The following NFE2L2 variants were observed in gnomAD, a reference collection of about 807,000 sequenced individuals.
The protein encoded by NFE2L2 is NFE2 like bZIP transcription factor 2.
NFE2L2 carries 20 observed loss-of-function variants against 49.6 expected under a neutral mutation model. The ratio of observed to expected loss-of-function variants is 0.40; its 90% CI spans 0.28 to 0.59. The LOEUF is 0.59. NFE2L2 is among the 20% of genes least tolerant of loss of function. The pLI, the probability that NFE2L2 is intolerant of heterozygous loss-of-function variation, is 0.40. For synonymous variants in NFE2L2, 244 were observed against 256.5 expected, an observed-to-expected ratio of 0.95 and a Z score of 0.47; for missense variants, 578 against 714.2, an observed-to-expected ratio of 0.81 and a Z score of 2.17.
intron 1 of NFE2L2, among the ~76,000 whole-genome samples, chr2:177,253,332 G>A (rs919494447): frequency 3.9e-5 from 6 of 152,154 alleles, no homozygotes; most frequent in Admixed American, 6.5e-5. Flanking sequence ...CAAACTGACT[G>A]AGCAACTATT....
In NFE2L2 at chr2:177,231,359, G is replaced by C; in HGVS notation, c.1244C>G (p.Thr415Ser). 1 of 1,614,258 alleles carries C rather than the reference G, an allele frequency of 6.2e-7. No homozygotes were observed. Among genetic ancestry groups the C allele is most frequent in the South Asian group, 1.1e-5 (1 of 91,086 alleles). The change falls in exon 5 of 5, where the codon ACT becomes AGT. Residue 415 changes from threonine to serine, a missense_variant. This residue lies in a region of NFE2L2 where 368 missense variants were observed against 384.6 expected (regional missense o/e 0.96). Coordinates refer to ENST00000397062, the MANE Select transcript of NFE2L2 (RefSeq NM_006164.5). ...CTCACATTGGGCATCATGCACGTGA[G>C]TGCTCTGCCCCTGAGATGGTGACAA... ...QPLSPSQGQS[T>S]HVHDAQCENT...
intron 1 of NFE2L2, among the ~76,000 whole-genome samples, chr2:177,237,364 C>T (rs1362969743): frequency 1.3e-5 from 2 of 152,110 alleles, no homozygotes; most frequent in African/African-American, 2.4e-5. Context: ...AGCATTCAGT[C>T]GACTATACAT....
chr2:177,263,756 C>A, intron 1 of NFE2L2: 1 of 985,492 alleles, frequency 1.0e-6, no homozygotes, highest in Non-Finnish European at 1.2e-6. Context: ...TACGAGGGGC[C>A]AACTCCGGGT....
At chr2:177,244,173 T>C (rs926533322) in intron 1 of NFE2L2, among the ~76,000 whole-genome samples, 6 of 151,348 alleles carry the variant, frequency 4.0e-5, no homozygotes, top group Non-Finnish European at 8.8e-5. Context: ...TGGTGGCGGG[T>C]GCCTGTAGTC....
intron 1 of NFE2L2, among the ~76,000 whole-genome samples, chr2:177,244,683 G>A (rs1052310186): frequency 5.3e-5 from 8 of 152,166 alleles, no homozygotes; most frequent in Admixed American, 4.6e-4. Flanking sequence ...AAGCAAAGGA[G>A]GCTATGGAGA....
At chr2:177,238,953 T>C (rs1460298541) in intron 1 of NFE2L2, among the ~76,000 whole-genome samples, 1 of 152,232 alleles carries the variant, frequency 6.6e-6, no homozygotes, top group East Asian at 1.9e-4. Context: ...GGCACGCCCA[T>C]ATACATTTGC....
intron 1 of NFE2L2, among the ~76,000 whole-genome samples, chr2:177,236,835 TTTTTTTCCAC>T (rs537841245): frequency 1.5e-3 from 230 of 152,264 alleles, no homozygotes; most frequent in Non-Finnish European, 2.6e-3. Flanking sequence ...TTTTTCGGGT[TTTTTTTCCAC>T]TTTTTTCCTT....
At chr2:177,251,821 C>T (rs893142232) in intron 1 of NFE2L2, among the ~76,000 whole-genome samples, 5 of 151,186 alleles carry the variant, frequency 3.3e-5, no homozygotes, top group Non-Finnish European at 5.9e-5. Flanking sequence ...CTGGCTAACA[C>T]GGTGAAACTC....
At chr2:177,232,888 A>T in intron 3 of NFE2L2, 1 of 460,152 alleles carries the variant, frequency 2.2e-6, no homozygotes, top group Non-Finnish European at 3.8e-6. Context: ...AGATTTATTA[A>T]AATTGTTAAC....
chr2:177,264,238 G>A, intron 1 of NFE2L2: 1 of 340,638 alleles, frequency 2.9e-6, no homozygotes, highest in South Asian at 8.7e-5. Context: ...GCCCGGGGAC[G>A]CGGCTGGATT....
intron 1 of NFE2L2, among the ~76,000 whole-genome samples, chr2:177,238,522 A>T (rs553882225): frequency 3.3e-4 from 50 of 152,378 alleles, no homozygotes; most frequent in Admixed American, 2.7e-3. Flanking sequence ...AGTGGATCAA[A>T]TGAGGCACGT....
At chr2:177,242,219 G>A (rs886198926) in intron 1 of NFE2L2, among the ~76,000 whole-genome samples, 1 of 152,144 alleles carries the variant, frequency 6.6e-6, no homozygotes, top group African/African-American at 2.4e-5. Context: ...GACAAAAGGG[G>A]CCTTACAGCC....
chr2:177,245,936 G>T (rs139344881), intron 1 of NFE2L2, among the ~76,000 whole-genome samples: 1 of 152,116 alleles, frequency 6.6e-6, no homozygotes, highest in Non-Finnish European at 1.5e-5. Flanking sequence ...AGATGAACAC[G>T]TTGAGGCTTC....
intron 1 of NFE2L2, among the ~76,000 whole-genome samples, chr2:177,250,183 T>C (rs1467920681): frequency 6.6e-6 from 1 of 152,230 alleles, no homozygotes; most frequent in East Asian, 1.9e-4. Flanking sequence ...AACAATGTTA[T>C]GGTGCAGATG....
intron 1 of NFE2L2, among the ~76,000 whole-genome samples, chr2:177,250,252 C>A (rs892388475): frequency 3.2e-4 from 48 of 152,168 alleles, no homozygotes; most frequent in Non-Finnish European, 1.0e-4. Context: ...AAGTGAGAGG[C>A]CTTAGGTGCT....
chr2:177,256,786 T>C (rs1690542782), intron 1 of NFE2L2, among the ~76,000 whole-genome samples: 1 of 152,214 alleles, frequency 6.6e-6, no homozygotes, highest in Admixed American at 6.5e-5. Context: ...AAGACTGGAA[T>C]TGGGCCTTGC....
In NFE2L2 at chr2:177,231,601, T is replaced by C; in HGVS notation, c.1002A>G (p.Glu334=). The change falls in exon 5 of 5, where the codon GAA becomes GAG. Residue 334 remains glutamate (E), a synonymous_variant. Transcript: ENST00000397062. ...CAGAATCATTGAATTCTGCTGTGCTTTCAGGGTGGTTTTGGTTGAAAGCTT... is the reference window on the plus strand; with the variant it reads ...CAGAATCATTGAATTCTGCTGTGCTCTCAGGGTGGTTTTGGTTGAAAGCTT... The part of the protein sequence containing the change: ...LCKAFNQNHP[E]STAEFNDSDS... 2 of 1,614,224 alleles carry C rather than the reference T, an allele frequency of 1.2e-6. No individual in the cohort carries two copies. The highest frequency in any genetic ancestry group is 8.5e-7 in the Non-Finnish European group (1 of 1,180,026).
At position 177,231,967 on chromosome 2, in the gene NFE2L2, C is replaced by T. The variant is rs776021543; in HGVS notation, c.636G>A (p.Met212Ile). 4 of 1,613,198 alleles carry T rather than the reference C, an allele frequency of 2.5e-6. No individual in the cohort carries two copies. Among genetic ancestry groups the T allele is most frequent in the Admixed American group, 3.3e-5 (2 of 59,896 alleles). ...TCAGTTTGGCTTCTGGACTTGGAAC[C>T]ATGGTAGTCTCAACCAGCTTGTCAT... is the stretch of plus-strand genomic sequence containing the variant. ...IENDKLVETT[M>I]VPSPEAKLTE... Residue 212 changes from methionine (M) to isoleucine (I), a missense_variant, in exon 5 of 5, where the codon ATG becomes ATA. Around this residue, in one of 3 missense-constraint regions of NFE2L2, gnomAD observed 368 missense variants for 384.6 expected, o/e 0.96. Coordinates refer to ENST00000397062, the MANE Select transcript of NFE2L2 (RefSeq NM_006164.5).
intron 1 of NFE2L2, among the ~76,000 whole-genome samples, chr2:177,264,204 G>A (rs1328307919): frequency 6.6e-6 from 1 of 152,096 alleles, no homozygotes; most frequent in African/African-American, 2.4e-5. Flanking sequence ...TCAAACTTAG[G>A]GGCTCCGGAG....
Sources: allele counts gnomAD v4.1 joint callset (sites outside exome capture counted in the v4.1 genomes callset), GRCh38; gene constraint gnomAD v4.1.1; regional missense constraint gnomAD v4.1.1; transcripts MANE v1.5; gene names NCBI Gene and HGNC (gene_info 2026-07-23, HGNC 2026-07-21).